Variants in PSMD1 observed in about 807,000 individuals in gnomAD.
The protein encoded by PSMD1 is 26S proteasome non-ATPase regulatory subunit 1.
In PSMD1, 18 loss-of-function variants were observed where a neutral mutation model predicts 119.0. The ratio of observed to expected loss-of-function variants is 0.15; its 90% CI spans 0.10 to 0.22. The LOEUF (loss-of-function observed/expected upper bound fraction) is 0.22, where lower values mean the gene tolerates loss of function less well. PSMD1 is among the 10% of genes least tolerant of loss of function. The pLI is 1.00. For missense variants in PSMD1, 702 were observed against 1,158.5 expected (o/e 0.61, Z 5.72); for synonymous variants, 374 against 396.6 (o/e 0.94, Z 0.68).
intron 17 of PSMD1, among the ~76,000 whole-genome samples, chr2:231,142,393 C>T (rs920415482): frequency 1.3e-5 from 2 of 152,036 alleles, no homozygotes; most frequent in African/African-American, 4.8e-5. Flanking sequence ...TTTCCCCCCT[C>T]GAGTCTTAAG....
chr2:231,097,708 A>C (rs893576508), intron 16 of PSMD1, among the ~76,000 whole-genome samples: 1 of 152,180 alleles, frequency 6.6e-6, no homozygotes, highest in Non-Finnish European at 1.5e-5. Context: ...AAATTGATCT[A>C]GTATTCCCTG....
rs970732046 is a variant in PSMD1 at position 231,079,435 on chromosome 2, G to T, written c.1161-101G>T. The T allele has an allele frequency of 1.1e-4, 68 of 605,162 alleles. No individual in the cohort carries two copies. In the Middle Eastern group the frequency reaches 1.4e-3, roughly 12 times the overall value. 37.5% of individuals were successfully genotyped at this position (605,162 alleles called of 1,614,324 possible). ...TGAGATCCACAAAGTAATTTGGAAG[G>T]GTTCAAGGTAAAATTTTAATGCTTT... On this transcript the variant is annotated intron_variant, in intron 10 of 24. Transcript: ENST00000308696.
At chr2:231,125,479 T>C (rs1179236797) in intron 16 of PSMD1, among the ~76,000 whole-genome samples, 1 of 152,240 alleles carries the variant, frequency 6.6e-6, no homozygotes, top group Non-Finnish European at 1.5e-5. Context: ...CTTATCTAGC[T>C]TTTGTGCCTT....
chr2:231,099,331 A>T (rs185281036), intron 16 of PSMD1, among the ~76,000 whole-genome samples: 19 of 152,308 alleles, frequency 1.2e-4, no homozygotes, highest in Non-Finnish European at 2.1e-4. Context: ...GAGACACTGG[A>T]CTTTTACCAT....
At chr2:231,107,950 C>T (rs1211568132) in intron 16 of PSMD1, among the ~76,000 whole-genome samples, 2 of 152,230 alleles carry the variant, frequency 1.3e-5, no homozygotes, top group Non-Finnish European at 2.9e-5. Context: ...TGATATCCAG[C>T]TACTATCCTC....
intron 16 of PSMD1, among the ~76,000 whole-genome samples, chr2:231,090,089 C>T (rs773441160): frequency 1.3e-5 from 2 of 152,210 alleles, no homozygotes; most frequent in East Asian, 1.9e-4. Context: ...TATTACTGCT[C>T]ATAGACAATG....
intron 23 of PSMD1, among the ~76,000 whole-genome samples, chr2:231,168,932 A>G (rs1696848643): frequency 6.6e-6 from 1 of 152,180 alleles, no homozygotes; most frequent in South Asian, 2.1e-4. Flanking sequence ...GAAACAAGTA[A>G]CATTCCTACC....
intron 16 of PSMD1, among the ~76,000 whole-genome samples, chr2:231,109,562 G>C (rs1216442469): frequency 6.6e-6 from 1 of 152,202 alleles, no homozygotes; most frequent in Non-Finnish European, 1.5e-5. Context: ...GCATTCATCA[G>C]TGAAGATTTG....
At chr2:231,108,990 C>A in intron 16 of PSMD1, 2 of 1,614,170 alleles carry the variant, frequency 1.2e-6, no homozygotes, top group Non-Finnish European at 1.7e-6. Context: ...ATCCCTAGGA[C>A]CTTTGAGGCT....
intron 16 of PSMD1, among the ~76,000 whole-genome samples, chr2:231,119,158 C>T (rs1457783560): frequency 6.6e-6 from 1 of 152,158 alleles, no homozygotes; most frequent in Non-Finnish European, 1.5e-5. Context: ...AAAATTTCCA[C>T]TTTACAAAAA....
intron 2 of PSMD1, among the ~76,000 whole-genome samples, 154 bp downstream of exon 2, chr2:231,061,464 C>G (rs1200255652): frequency 6.6e-6 from 1 of 152,190 alleles, no homozygotes; most frequent in African/African-American, 2.4e-5. Context: ...AGTATTTTGG[C>G]CACAGCAGTT....
At chr2:231,137,404 T>A (rs1402658026) in intron 16 of PSMD1, among the ~76,000 whole-genome samples, 1 of 152,140 alleles carries the variant, frequency 6.6e-6, no homozygotes, top group African/African-American at 2.4e-5. Flanking sequence ...CATGAGCCAC[T>A]GTGCCCGCCT....
chr2:231,120,615 TCAG>T (rs2125227743), intron 16 of PSMD1, among the ~76,000 whole-genome samples: 1 of 152,334 alleles, frequency 6.6e-6, no homozygotes, highest in East Asian at 1.9e-4. Flanking sequence ...ATTATACAGA[TCAG>T]TGGTTGAATA....
At chr2:231,161,252 A>T in intron 19 of PSMD1, 88 bp from the exon 20 acceptor site, 5 of 1,225,948 alleles carry the variant, frequency 4.1e-6, no homozygotes, top group Non-Finnish European at 4.5e-6. Context: ...AAAAAAAAAA[A>T]GAAAGAAAGA....
chr2:231,146,339 G>A lies in PSMD1; in HGVS notation c.2098G>A (p.Glu700Lys). Residue 700 changes from glutamate (E) to lysine (K), a missense_variant, in exon 18 of 25, where the codon GAA (glutamate) becomes AAA (lysine). Transcript: ENST00000308696. ...AGCTCTCATCATGATCCAGCAGACT[G>A]AAATCACTTGTCCAAAGGTGAGCAA... ...ASALIMIQQT[E>K]ITCPKVNQFR... 1 of 1,612,590 alleles carries A rather than the reference G, an allele frequency of 6.2e-7. No individual in the cohort carries two copies. Among genetic ancestry groups the A allele is most frequent in the Non-Finnish European group, 8.5e-7 (1 of 1,178,784 alleles).
intron 15 of PSMD1, among the ~76,000 whole-genome samples, chr2:231,086,803 G>A (rs1323466921): frequency 6.6e-6 from 1 of 152,144 alleles, no homozygotes; most frequent in African/African-American, 2.4e-5. Context: ...GTGGCCAGGT[G>A]CAGTGGCTTA....
At position 231,080,270 on chromosome 2, in the gene PSMD1, A is replaced by G; in HGVS notation, c.1369A>G (p.Ile457Val). The G allele has an allele frequency of 2.5e-6, 4 of 1,612,996 alleles. No homozygotes were observed. In the East Asian group the frequency reaches 6.7e-5, roughly 27 times the overall value. The change falls in exon 12 of 25, where the codon ATA becomes GTA. Residue 457 changes from isoleucine (I) to valine (V), a missense_variant. Ile to Val is a conservative substitution (Grantham distance 29). Around this residue, in one of 9 missense-constraint regions of PSMD1, gnomAD observed 272 missense variants for 511.6 expected, o/e 0.53. Coordinates refer to ENST00000308696, the MANE Select transcript of PSMD1 (RefSeq NM_002807.4). ...GLIHANHGGD[I>V]IDYLLNQLKN... ...TATTCATGCCAATCATGGTGGTGAT[A>G]TAATTGACTATCTGCTTAATCAGCT...
At chr2:231,085,606 A>T (rs1442523150) in intron 15 of PSMD1, among the ~76,000 whole-genome samples, 1 of 152,236 alleles carries the variant, frequency 6.6e-6, no homozygotes. Context: ...CCTGTGCGAC[A>T]GGGCAAGACC....
At chr2:231,067,467 A>G (rs1420867147) in intron 5 of PSMD1, among the ~76,000 whole-genome samples, 2 of 152,194 alleles carry the variant, frequency 1.3e-5, no homozygotes, top group East Asian at 1.9e-4. Flanking sequence ...AAGACAATTT[A>G]AGTCACCAAC....
Sources: allele counts gnomAD v4.1 joint callset (sites outside exome capture counted in the v4.1 genomes callset), GRCh38; gene constraint gnomAD v4.1.1; regional missense constraint gnomAD v4.1.1; transcripts MANE v1.5; gene names NCBI Gene and HGNC (gene_info 2026-07-23, HGNC 2026-07-21).